The following TTC28 variants were observed in gnomAD, a reference collection of about 807,000 sequenced individuals.
TTC28 encodes tetratricopeptide repeat protein 28.
A neutral mutation model predicts 198.0 loss-of-function variants in TTC28; 61 were observed. The ratio of observed to expected loss-of-function variants is 0.31; its 90% CI spans 0.25 to 0.38. The LOEUF (loss-of-function observed/expected upper bound fraction) is 0.38. TTC28 is among the 10% of genes least tolerant of loss of function. The probability of loss-of-function intolerance (pLI) is 1.00; values close to 1 mark genes in which losing one functional copy is unlikely to be tolerated. For synonymous variants in TTC28, 1,171 were observed against 1,297.8 expected (o/e 0.90, Z 2.10); for missense variants, 2,678 against 3,164.0 (o/e 0.85, Z 3.69).
At chr22:28,465,596 C>T (rs2048007945) in intron 2 of TTC28, among the ~76,000 whole-genome samples, 2 of 151,348 alleles carry the variant, frequency 1.3e-5, no homozygotes, top group Middle Eastern at 3.4e-3. Context: ...TGCACTCCAG[C>T]GTGGGCAACA....
chr22:28,417,278 C>T (rs978904766), intron 2 of TTC28, among the ~76,000 whole-genome samples: 1 of 91,548 alleles, frequency 1.1e-5, no homozygotes, highest in African/African-American at 4.4e-5. Flanking sequence ...GCCTGAGAAA[C>T]ATAGCAAGAC....
chr22:28,119,657 A>G (rs566188328), intron 6 of TTC28, among the ~76,000 whole-genome samples: 1 of 152,362 alleles, frequency 6.6e-6, no homozygotes, highest in South Asian at 2.1e-4. Context: ...GGCCAGGGAT[A>G]CTAAACAACC....
chr22:28,092,227 C>T (rs547030889), intron 12 of TTC28, among the ~76,000 whole-genome samples: 9 of 152,304 alleles, frequency 5.9e-5, no homozygotes, highest in African/African-American at 2.2e-4. Flanking sequence ...GAGGCAAACC[C>T]TCTTTGGGCA....
intron 13 of TTC28, among the ~76,000 whole-genome samples, chr22:28,020,814 G>C (rs1373750146): frequency 6.6e-6 from 1 of 151,608 alleles, no homozygotes; most frequent in African/African-American, 2.4e-5. Flanking sequence ...CACACACACA[G>C]AGCTTTCTCA....
At chr22:28,530,149 C>T (rs1044745847) in intron 2 of TTC28, among the ~76,000 whole-genome samples, 1 of 152,202 alleles carries the variant, frequency 6.6e-6, no homozygotes, top group Non-Finnish European at 1.5e-5. Flanking sequence ...TGCAAAGAAG[C>T]TAAAAACCTT....
At chr22:28,001,205 T>C in intron 15 of TTC28, 169 bp downstream of exon 15, 1 of 845,148 alleles carries the variant, frequency 1.2e-6, no homozygotes, top group Non-Finnish European at 1.8e-6. Flanking sequence ...TGCCCCACTT[T>C]TGGACAGACC....
intron 2 of TTC28, among the ~76,000 whole-genome samples, chr22:28,321,263 A>G (rs2145848428): frequency 6.6e-6 from 1 of 152,320 alleles, no homozygotes; most frequent in South Asian, 2.1e-4. Flanking sequence ...TAATACATTT[A>G]TATGAAAGGT....
At chr22:28,451,310 TA>T (rs959022668) in intron 2 of TTC28, among the ~76,000 whole-genome samples, 2 of 152,188 alleles carry the variant, frequency 1.3e-5, no homozygotes, top group African/African-American at 4.8e-5. Flanking sequence ...TAGCCCAGAC[TA>T]AAGTGTACTC....
At chr22:28,211,804 C>T (rs1926992535) in intron 5 of TTC28, among the ~76,000 whole-genome samples, 1 of 152,146 alleles carries the variant, frequency 6.6e-6, no homozygotes, top group Admixed American at 6.5e-5. Context: ...ACAGAACTCT[C>T]CACCCCAAAT....
intron 12 of TTC28, among the ~76,000 whole-genome samples, chr22:28,082,124 A>C (rs1941387613): frequency 6.6e-6 from 1 of 152,176 alleles, no homozygotes; most frequent in Admixed American, 6.6e-5. Context: ...GATTTACTAA[A>C]TCTGTTTATT....
intron 2 of TTC28, among the ~76,000 whole-genome samples, chr22:28,500,951 A>G (rs2048529807): frequency 6.6e-6 from 1 of 152,184 alleles, no homozygotes; most frequent in South Asian, 2.1e-4. Flanking sequence ...TTTGCTTGCA[A>G]ACTTGCAAAA....
intron 14 of TTC28, among the ~76,000 whole-genome samples, chr22:28,009,932 T>C (rs1247879010): frequency 2.0e-5 from 3 of 152,246 alleles, no homozygotes; most frequent in Non-Finnish European, 4.4e-5. Context: ...GTGCTTGCTC[T>C]GATGATTTAC....
chr22:28,243,174 C>CAAAAAAAAAAAAAAAAAAAAAAAAAAAAA (rs754700795), intron 5 of TTC28, among the ~76,000 whole-genome samples: 3 of 68,336 alleles, frequency 4.4e-5, no homozygotes, highest in African/African-American at 6.5e-5. Context: ...CCCCTCTCTA[C>CAAAAAAAAAAAAAAAAAAAAAAAAAAAAA]AAAAAAAAAA....
rs1353877187 is a variant in TTC28 at position 28,629,278 on chromosome 22, A to C, written c.381+274T>G. The C allele has an allele frequency of 8.3e-6, 3 of 363,628 alleles. No homozygotes were observed. The East Asian group carries it at 1.5e-4, about 18-fold the overall frequency. The allele number at this position is 363,628 out of a possible 1,614,324, so 22.5% of individuals were successfully genotyped here. On this transcript the variant is annotated intron_variant, in intron 2 of 22. Coordinates refer to ENST00000397906, the MANE Select transcript of TTC28 (RefSeq NM_001145418.2). ...TCCAAAACCTATATAAAGAACTAGA[A>C]TGTATCTTACTTATCAAGCGGCACA...
Position 27,998,994 on chromosome 22 carries a change from G to A in TTC28, c.4665C>T (p.Ala1555=). The change falls in exon 16 of 23, where the codon GCC becomes GCT. Residue 1555 remains alanine, a synonymous_variant. Transcript: ENST00000397906. ...CGTCCATGCTGGGCGTGAGGACCAA[G>A]GCCGACAGCTTCCAGGAGATGTGGG... is the stretch of plus-strand genomic sequence containing the variant. ...FATHISWKLS[A]LVLTPSMDGN... is the part of the protein sequence containing the mutation. 6.4e-7 allele frequency: 1 copy of A among 1,550,646 alleles called. No individual in the cohort carries two copies. Among genetic ancestry groups the A allele is most frequent in the Non-Finnish European group, 8.7e-7 (1 of 1,147,000 alleles).
intron 2 of TTC28, among the ~76,000 whole-genome samples, chr22:28,414,351 C>A (rs1376743694): frequency 6.6e-6 from 1 of 152,122 alleles, no homozygotes; most frequent in African/African-American, 2.4e-5. Context: ...CTAACTGCAA[C>A]CCTCTAAAAT....
At chr22:28,276,035 A>G (rs968715340) in intron 5 of TTC28, among the ~76,000 whole-genome samples, 1 of 151,588 alleles carries the variant, frequency 6.6e-6, no homozygotes, top group African/African-American at 2.4e-5. Context: ...TTTTTTTTAG[A>G]AAGGGCCTCA....
chr22:28,175,003 T>A (rs1923022132), intron 5 of TTC28, among the ~76,000 whole-genome samples: 1 of 150,980 alleles, frequency 6.6e-6, no homozygotes, highest in South Asian at 2.1e-4. Context: ...TTGCATGCAT[T>A]GGAAAATAAG....
intron 1 of TTC28, among the ~76,000 whole-genome samples, chr22:28,660,561 G>C (rs1013310978): frequency 1.9e-4 from 29 of 152,064 alleles, no homozygotes; most frequent in African/African-American, 6.0e-4. Context: ...GTCTCACTCT[G>C]TCACTCAGAC....
Sources: allele counts gnomAD v4.1 joint callset (sites outside exome capture counted in the v4.1 genomes callset), GRCh38; gene constraint gnomAD v4.1.1; transcripts MANE v1.5; gene names NCBI Gene and HGNC (gene_info 2026-07-23, HGNC 2026-07-21).